The following SIK3 variants were observed in gnomAD, a reference collection of about 807,000 sequenced individuals.
SIK3 encodes serine/threonine-protein kinase SIK3.
Under a neutral mutation model 144.2 loss-of-function variants are expected in SIK3, and 28 were observed. That is an observed-to-expected ratio of 0.19 (90% CI 0.14 to 0.27). SIK3 has a LOEUF of 0.27. Among genes scored for constraint, SIK3 ranks in the 10% least tolerant of loss-of-function variants. The probability of loss-of-function intolerance (pLI) is 1.00; values close to 1 mark genes in which losing one functional copy is unlikely to be tolerated. For synonymous variants in SIK3, 686 were observed against 676.3 expected, an observed-to-expected ratio of 1.01 and a Z score of -0.22; for missense variants, 1,319 against 1,776.0, an observed-to-expected ratio of 0.74 and a Z score of 4.62.
At chr11:116,920,853 T>A (rs899905374) in intron 4 of SIK3, among the ~76,000 whole-genome samples, 2 of 152,214 alleles carry the variant, frequency 1.3e-5, no homozygotes. Context: ...GACAATCTTG[T>A]GGAATCTTAC....
intron 1 of SIK3, among the ~76,000 whole-genome samples, chr11:117,034,083 AAAAG>A (rs1482034046): frequency 6.6e-6 from 1 of 152,206 alleles, no homozygotes; most frequent in Non-Finnish European, 1.5e-5. Flanking sequence ...AGTAAGCACA[AAAAG>A]AAAGCCTAAG....
chr11:117,004,251 A>G (rs1419412686), intron 1 of SIK3, among the ~76,000 whole-genome samples: 1 of 152,184 alleles, frequency 6.6e-6, no homozygotes, highest in Non-Finnish European at 1.5e-5. Context: ...GCAGTGGCTC[A>G]CACCTGTAAT....
intron 3 of SIK3, among the ~76,000 whole-genome samples, chr11:116,940,235 T>G (rs892293720): frequency 1.3e-5 from 2 of 150,872 alleles, no homozygotes; most frequent in Admixed American, 6.6e-5. Flanking sequence ...TTTTTTGTTT[T>G]TTTTTTTTTT....
chr11:116,974,467 G>C (rs1211664125), intron 1 of SIK3, among the ~76,000 whole-genome samples: 1 of 152,066 alleles, frequency 6.6e-6, no homozygotes, highest in Non-Finnish European at 1.5e-5. Flanking sequence ...ACAGTGGCAC[G>C]ATCACAGTTC....
rs769115311 is a variant in SIK3, at chr11:117,018,234, C to A, written c.274-61170G>T. Reference sequence around the variant, plus strand: ...TCAAGTCCTGCAGTCCCCCGAGGAACCTGCATATACAAAAAGTTGGCCCTC... The same window carrying A: ...TCAAGTCCTGCAGTCCCCCGAGGAAACTGCATATACAAAAAGTTGGCCCTC... On this transcript the variant is annotated intron_variant, in intron 1 of 24. Transcript: ENST00000445177. Among the ~76,000 whole-genome samples the A allele has an allele frequency of 1.3e-4, 20 of 152,150 alleles. No homozygotes were observed. In the South Asian group the frequency reaches 3.5e-3, roughly 27 times the overall value.
intron 19 of SIK3, among the ~76,000 whole-genome samples, chr11:116,860,588 G>A (rs1021372865): frequency 1.3e-5 from 2 of 152,296 alleles, no homozygotes; most frequent in South Asian, 4.1e-4. Context: ...TGGTAGGGCT[G>A]GAGGTTTTGT....
chr11:116,994,380 A>G (rs1246632819), intron 1 of SIK3, among the ~76,000 whole-genome samples: 1 of 152,350 alleles, frequency 6.6e-6, no homozygotes, highest in African/African-American at 2.4e-5. Context: ...ACTTTAGAGC[A>G]TAGTGGTTAA....
intron 1 of SIK3, among the ~76,000 whole-genome samples, chr11:117,007,370 T>A (rs1051673719): frequency 6.6e-6 from 1 of 152,188 alleles, no homozygotes; most frequent in Non-Finnish European, 1.5e-5. Context: ...AGAGCAAGAC[T>A]CTGTCTCAAA....
At chr11:116,993,523 A>T (rs770712078) in intron 1 of SIK3, among the ~76,000 whole-genome samples, 27 of 152,236 alleles carry the variant, frequency 1.8e-4, no homozygotes, top group Non-Finnish European at 1.0e-4. Context: ...GCTTCTAAAA[A>T]TGATTTTTTT....
chr11:116,962,467 T>C (rs1269658380), intron 1 of SIK3, among the ~76,000 whole-genome samples: 4 of 152,226 alleles, frequency 2.6e-5, no homozygotes. Flanking sequence ...TTTTAAAAAA[T>C]TTGTTTTAAG....
At chr11:116,897,107 T>C (rs957384001) in intron 5 of SIK3, 86 bp downstream of exon 5, 3 of 1,344,116 alleles carry the variant, frequency 2.2e-6, no homozygotes, top group Non-Finnish European at 3.0e-6. Flanking sequence ...TCATGTTGCA[T>C]CATTATGTAT....
At position 116,858,304 on chromosome 11, in the gene SIK3, T is replaced by C. The variant is rs747314377; in HGVS notation, c.3161A>G (p.Gln1054Arg). ...IKRQQQQRQQ[Q>R]QQQQQQQEYQ... is the part of the protein sequence containing the mutation. ...TTCTTGCTGTTGCTGCTGTTGCTGC[T>C]GCTGCTGCCGTTGTTGCTGCTGCCT... Residue 1054 changes from glutamine (Q) to arginine (R), a missense_variant, in exon 21 of 25, where the codon CAG (glutamine) becomes CGG (arginine). Coordinates refer to ENST00000445177, the MANE Select transcript of SIK3 (RefSeq NM_001366686.3). This position sits in a 1 kb window ranked among gnomAD's most constrained non-coding sequence, Gnocchi z 5.4. 14 of 1,613,062 alleles carry C rather than the reference T, an allele frequency of 8.7e-6. No homozygotes were observed. In the South Asian group the frequency reaches 1.5e-4, roughly 18 times the overall value.
intron 1 of SIK3, among the ~76,000 whole-genome samples, chr11:116,974,280 AAAC>A (rs1290765028): frequency 6.6e-6 from 1 of 152,242 alleles, no homozygotes; most frequent in Non-Finnish European, 1.5e-5. Flanking sequence ...ATACCAGACT[AAAC>A]AACAGCTTTC....
At chr11:116,948,537 A>G (rs750658873) in intron 3 of SIK3, among the ~76,000 whole-genome samples, 49 of 152,138 alleles carry the variant, frequency 3.2e-4, no homozygotes, top group Non-Finnish European at 4.9e-4. Flanking sequence ...TCAGCATACC[A>G]AAGTGCTGGG....
At chr11:116,951,940 G>GAATAAATA (rs139188169) in intron 3 of SIK3, among the ~76,000 whole-genome samples, 284 of 141,300 alleles carry the variant, frequency 2.0e-3, no homozygotes, top group Middle Eastern at 7.1e-3. Context: ...GCTCAAAAAA[G>GAATAAATA]AATAAATAAA....
chr11:116,856,874 C>G (rs1002414294), intron 21 of SIK3: 1 of 152,176 alleles, frequency 6.6e-6, no homozygotes, highest in Non-Finnish European at 1.5e-5. Context: ...GCAGGTAGTT[C>G]CGGGGAGGGA....
At chr11:117,042,148 T>C (rs918449489) in intron 1 of SIK3, among the ~76,000 whole-genome samples, 3 of 152,186 alleles carry the variant, frequency 2.0e-5, no homozygotes, top group African/African-American at 7.2e-5. Context: ...AGGCTCATGA[T>C]ATGCTATAGT....
chr11:116,897,740 G>A (rs958879462), intron 4 of SIK3, among the ~76,000 whole-genome samples: 5 of 152,120 alleles, frequency 3.3e-5, no homozygotes, highest in Admixed American at 6.5e-5. Flanking sequence ...AAAATTAGCC[G>A]GGCGTGGTGG....
At chr11:116,943,380 T>G (rs1218809700) in intron 3 of SIK3, among the ~76,000 whole-genome samples, 2 of 152,138 alleles carry the variant, frequency 1.3e-5, no homozygotes, top group Admixed American at 6.5e-5. Context: ...CACCTCCCAT[T>G]GATAATCACT....
Sources: gnomAD v4.1 joint callset for allele counts (sites outside exome capture counted in the v4.1 genomes callset) on GRCh38, gnomAD v4.1.1 for gene constraint, Gnocchi (gnomAD v3.1) non-coding constraint, MANE v1.5 for transcripts, NCBI Gene and HGNC (gene_info 2026-07-23, HGNC 2026-07-21) for gene names.